The following ARHGAP15 variants were observed in gnomAD, a reference collection of about 807,000 sequenced individuals.
The protein encoded by ARHGAP15 is rho GTPase-activating protein 15.
Under a neutral mutation model 63.7 loss-of-function variants are expected in ARHGAP15, and 51 were observed. The observed-to-expected ratio is 0.80, with a 90% confidence interval of 0.64 to 1.01. The LOEUF (loss-of-function observed/expected upper bound fraction) is 1.01. Among genes scored for constraint, ARHGAP15 ranks in the 50% least tolerant of loss-of-function variants. The pLI is 0.00. For missense variants in ARHGAP15, 560 were observed against 564.6 expected (o/e 0.99, Z 0.08); for synonymous variants, 191 against 193.8 (o/e 0.99, Z 0.12).
At chr2:143,233,906 A>G (rs992531211) in intron 5 of ARHGAP15, among the ~76,000 whole-genome samples, 3 of 152,004 alleles carry the variant, frequency 2.0e-5, no homozygotes, top group African/African-American at 7.2e-5. Flanking sequence ...CACCCTCCCA[A>G]AGTGCTGGGA....
At chr2:143,167,431 G>A (rs1436768591) in intron 2 of ARHGAP15, among the ~76,000 whole-genome samples, 1 of 152,022 alleles carries the variant, frequency 6.6e-6, no homozygotes, top group Admixed American at 6.6e-5. Context: ...CTTACATATG[G>A]ATAATGGGAC....
intron 6 of ARHGAP15, among the ~76,000 whole-genome samples, chr2:143,276,281 G>A (rs573511808): frequency 6.7e-4 from 102 of 152,232 alleles, no homozygotes; most frequent in Non-Finnish European, 9.6e-4. Context: ...GATCTTTCAC[G>A]TGTATCATTT....
At chr2:143,296,776 G>GTAT (rs144053555) in intron 6 of ARHGAP15, among the ~76,000 whole-genome samples, 4,850 of 151,946 alleles carry the variant, frequency 0.032, 240 homozygotes, top group African/African-American at 0.11. Flanking sequence ...CATCGCCTGT[G>GTAT]TATTAAGCCC....
intron 6 of ARHGAP15, among the ~76,000 whole-genome samples, chr2:143,358,022 G>C (rs1156630891): frequency 6.6e-6 from 1 of 152,172 alleles, no homozygotes; most frequent in Non-Finnish European, 1.5e-5. Context: ...AAAATATTCT[G>C]TTACATATGG....
intron 6 of ARHGAP15, among the ~76,000 whole-genome samples, chr2:143,319,662 T>C (rs919589103): frequency 6.6e-6 from 1 of 152,240 alleles, no homozygotes; most frequent in East Asian, 1.9e-4. Flanking sequence ...TTTTCTGATC[T>C]GCACTATAAA....
chr2:143,605,124 G>A (rs1412564695), intron 11 of ARHGAP15, among the ~76,000 whole-genome samples: 1 of 152,024 alleles, frequency 6.6e-6, no homozygotes, highest in Non-Finnish European at 1.5e-5. Context: ...GGCCAGGTGG[G>A]TCTTGAACTC....
At chr2:143,712,763 A>G (rs1684637150) in intron 13 of ARHGAP15, among the ~76,000 whole-genome samples, 1 of 151,970 alleles carries the variant, frequency 6.6e-6, no homozygotes, top group African/African-American at 2.4e-5. Flanking sequence ...AGAATTTATA[A>G]CAATGACCAG....
intron 1 of ARHGAP15, among the ~76,000 whole-genome samples, chr2:143,153,594 G>A (rs1689923024): frequency 6.6e-6 from 1 of 151,818 alleles, no homozygotes; most frequent in African/African-American, 2.4e-5. Flanking sequence ...TTTAACATGT[G>A]TAAATGCCTA....
chr2:143,590,205 A>C (rs1247557059), intron 11 of ARHGAP15, among the ~76,000 whole-genome samples: 1 of 152,158 alleles, frequency 6.6e-6, no homozygotes, highest in African/African-American at 2.4e-5. Flanking sequence ...ATTTTTCACA[A>C]TCTGTTTTCC....
Position 143,435,689 on chromosome 2 carries a change from T to C in ARHGAP15, c.563T>C (p.Ile188Thr). 4 of 1,603,284 alleles carry C rather than the reference T, an allele frequency of 2.5e-6. No homozygotes were observed. Among genetic ancestry groups the C allele is most frequent in the Non-Finnish European group, 3.4e-6 (4 of 1,176,748 alleles). ...TGGTTCCACGCTATCAAAAATGCAA[T>C]TGACAGATTGGTATGTATTTGTTTT... ...LDWFHAIKNAIDRLPKDSSCP... is the reference protein window; with the variant it reads ...LDWFHAIKNATDRLPKDSSCP... The change falls in exon 7 of 14, where the codon ATT becomes ACT. Residue 188 changes from isoleucine (I) to threonine (T), a missense_variant. Ile to Thr is a moderately conservative substitution (Grantham distance 89). Transcript: ENST00000295095.
chr2:143,435,403 T>G (rs1689567113), intron 6 of ARHGAP15, 198 bp from the exon 7 acceptor site: 1 of 1,192,992 alleles, frequency 8.4e-7, no homozygotes, highest in African/African-American at 1.6e-5. Context: ...CAATAATGTA[T>G]TTGTTATGAC....
intron 12 of ARHGAP15, among the ~76,000 whole-genome samples, chr2:143,629,418 A>G (rs910224658): frequency 6.6e-6 from 1 of 152,196 alleles, no homozygotes; most frequent in African/African-American, 2.4e-5. Flanking sequence ...AATTCCCTGG[A>G]AATGACTTGT....
chr2:143,385,528 C>A (rs1687243502), intron 6 of ARHGAP15, among the ~76,000 whole-genome samples: 1 of 152,050 alleles, frequency 6.6e-6, no homozygotes. Flanking sequence ...AAAGTTCATA[C>A]CAACTACTAA....
chr2:143,270,331 C>G (rs541351889), intron 6 of ARHGAP15, among the ~76,000 whole-genome samples: 3 of 152,284 alleles, frequency 2.0e-5, no homozygotes, highest in South Asian at 4.1e-4. Context: ...GTAGACATTT[C>G]TGTTTTGCTT....
At chr2:143,353,398 AG>A (rs1156336342) in intron 6 of ARHGAP15, among the ~76,000 whole-genome samples, 8 of 152,248 alleles carry the variant, frequency 5.3e-5, no homozygotes, top group Admixed American at 1.3e-4. Flanking sequence ...GTGCTTTTTT[AG>A]CAAAGTGGGA....
chr2:143,492,965 C>A (rs1692650816), intron 9 of ARHGAP15, among the ~76,000 whole-genome samples: 1 of 150,876 alleles, frequency 6.6e-6, no homozygotes, highest in Admixed American at 6.6e-5. Flanking sequence ...GGCTGAAGCA[C>A]GAGAATGGCG....
intron 6 of ARHGAP15, among the ~76,000 whole-genome samples, chr2:143,330,409 G>A (rs1448274353): frequency 1.3e-5 from 2 of 151,898 alleles, no homozygotes; most frequent in African/African-American, 4.8e-5. Context: ...TTCTCAAGTG[G>A]CACTGTATAA....
At chr2:143,718,844 G>A (rs914553425) in intron 13 of ARHGAP15, among the ~76,000 whole-genome samples, 1 of 152,220 alleles carries the variant, frequency 6.6e-6, no homozygotes, top group Non-Finnish European at 1.5e-5. Context: ...TGGAAATGAA[G>A]ACACTTTTAC....
chr2:143,163,874 A>G (rs1438409009), intron 2 of ARHGAP15, among the ~76,000 whole-genome samples: 1 of 152,044 alleles, frequency 6.6e-6, no homozygotes. Context: ...AGCCTGAGGA[A>G]CAGATGCATT....
Sources: allele counts gnomAD v4.1 joint callset (sites outside exome capture counted in the v4.1 genomes callset), GRCh38; gene constraint gnomAD v4.1.1; transcripts MANE v1.5; gene names NCBI Gene and HGNC (gene_info 2026-07-23, HGNC 2026-07-21).